PTPRD: variants seen among roughly 807,000 people sequenced by gnomAD.
PTPRD encodes the protein receptor-type tyrosine-protein phosphatase delta.
A neutral mutation model predicts 214.5 loss-of-function variants in PTPRD; 34 were observed. The ratio of observed to expected loss-of-function variants is 0.16; its 90% confidence interval spans 0.12 to 0.21. The LOEUF is 0.21. PTPRD is among the 10% of genes least tolerant of loss of function. The pLI is 1.00. For synonymous variants in PTPRD, 1,128 were observed against 845.7 expected, an observed-to-expected ratio of 1.33 and a Z score of -5.79; for missense variants, 2,545 against 2,398.7, an observed-to-expected ratio of 1.06 and a Z score of -1.27.
intron 3 of PTPRD, among the ~76,000 whole-genome samples, chr9:10,079,168 G>A (rs1002709270): frequency 6.6e-6 from 1 of 151,766 alleles, no homozygotes; most frequent in Non-Finnish European, 1.5e-5. Context: ...ACCCATTCTG[G>A]GAAGGTAAAA....
At chr9:9,566,128 T>A (rs867053288) in intron 8 of PTPRD, among the ~76,000 whole-genome samples, 2 of 151,940 alleles carry the variant, frequency 1.3e-5, no homozygotes, top group African/African-American at 2.4e-5. Flanking sequence ...GTATATATAT[T>A]TTTTTCTTTT....
intron 11 of PTPRD, among the ~76,000 whole-genome samples, chr9:8,894,688 A>C (rs567677427): frequency 1.3e-5 from 2 of 152,236 alleles, no homozygotes; most frequent in Non-Finnish European, 2.9e-5. Flanking sequence ...GCTATATTGC[A>C]ACAAAGTGTG....
At chr9:9,839,065 T>C (rs2057617694) in intron 5 of PTPRD, among the ~76,000 whole-genome samples, 1 of 152,164 alleles carries the variant, frequency 6.6e-6, no homozygotes, top group Non-Finnish European at 1.5e-5. Context: ...TTGTCAAAGA[T>C]CAGATAGTTG....
At chr9:9,567,027 G>A (rs545653597) in intron 8 of PTPRD, among the ~76,000 whole-genome samples, 1 of 152,100 alleles carries the variant, frequency 6.6e-6, no homozygotes, top group Non-Finnish European at 1.5e-5. Context: ...GAGAGGTCAA[G>A]TAGATATAAA....
At chr9:8,884,771 C>T (rs760595957) in intron 11 of PTPRD, among the ~76,000 whole-genome samples, 2 of 152,176 alleles carry the variant, frequency 1.3e-5, no homozygotes, top group Non-Finnish European at 2.9e-5. Context: ...CCATAACTCA[C>T]CTGTAGTTTT....
intron 7 of PTPRD, among the ~76,000 whole-genome samples, chr9:9,590,344 A>G (rs1234947098): frequency 1.3e-5 from 2 of 152,034 alleles, no homozygotes; most frequent in Non-Finnish European, 2.9e-5. Context: ...AGCTTAACAC[A>G]TAGTGGGTAC....
chr9:10,602,661 T>C (rs1316312535), intron 2 of PTPRD, among the ~76,000 whole-genome samples: 3 of 151,824 alleles, frequency 2.0e-5, no homozygotes, highest in Non-Finnish European at 4.4e-5. Flanking sequence ...AGAGACAGAA[T>C]AGATGGCAAT....
At chr9:8,355,129 G>A (rs368826727) in intron 39 of PTPRD, among the ~76,000 whole-genome samples, 1 of 152,018 alleles carries the variant, frequency 6.6e-6, no homozygotes, top group Admixed American at 6.6e-5. Context: ...GTGCCCTCAC[G>A]GTGGTAATGA....
At chr9:8,949,246 A>T (rs1235259955) in intron 11 of PTPRD, among the ~76,000 whole-genome samples, 2 of 151,874 alleles carry the variant, frequency 1.3e-5, no homozygotes, top group African/African-American at 4.8e-5. Context: ...AAAAGAAAAA[A>T]GTATTGTTTC....
In PTPRD at chr9:10,018,213, G is replaced by C. The variant is rs2096764168; in HGVS notation, c.-472+15505C>G. On this transcript the variant is annotated intron_variant, in intron 4 of 45. Coordinates refer to ENST00000381196, the MANE Select transcript of PTPRD (RefSeq NM_002839.4). ...AGGAGGAGAGAGAGAGAAGGAGTAG[G>C]AGGAAGGGGAGGAAGACAAAAGAAA... Among the ~76,000 whole-genome samples the C allele has an allele frequency of 3.3e-5, 5 of 151,998 alleles. No homozygotes were observed. In the South Asian group the frequency reaches 1.0e-3, roughly 31 times the overall value.
At chr9:10,261,792 G>C (rs2093715594) in intron 3 of PTPRD, among the ~76,000 whole-genome samples, 1 of 152,034 alleles carries the variant, frequency 6.6e-6, no homozygotes, top group Admixed American at 6.6e-5. Context: ...TAAGGCAATA[G>C]TAAATATATA....
chr9:8,665,901 G>C (rs1056345741), intron 12 of PTPRD, among the ~76,000 whole-genome samples: 2 of 152,174 alleles, frequency 1.3e-5, no homozygotes, highest in African/African-American at 4.8e-5. Context: ...AAGATACACT[G>C]TGGTTACTAC....
intron 4 of PTPRD, among the ~76,000 whole-genome samples, chr9:10,008,412 G>A (rs2096532370): frequency 6.6e-6 from 1 of 151,938 alleles, no homozygotes; most frequent in Non-Finnish European, 1.5e-5. Context: ...CTGAATATAG[G>A]AAGCCTGTGT....
intron 39 of PTPRD, among the ~76,000 whole-genome samples, chr9:8,361,662 T>C (rs906374821): frequency 2.0e-5 from 3 of 152,174 alleles, no homozygotes; most frequent in South Asian, 2.1e-4. Context: ...ATGAGTTTCT[T>C]TGAAAAACAG....
At chr9:9,571,128 A>C (rs1176019187) in intron 8 of PTPRD, among the ~76,000 whole-genome samples, 2 of 151,480 alleles carry the variant, frequency 1.3e-5, no homozygotes, top group Admixed American at 6.6e-5. Context: ...GGAAAAACAC[A>C]TGCAATTCTA....
chr9:8,583,683 G>A (rs543615283), intron 14 of PTPRD, among the ~76,000 whole-genome samples: 8 of 152,220 alleles, frequency 5.3e-5, no homozygotes, highest in Admixed American at 2.0e-4. Flanking sequence ...CCTAAATTAC[G>A]TTGCTTTTGT....
intron 11 of PTPRD, among the ~76,000 whole-genome samples, chr9:8,938,382 C>T (rs893172638): frequency 2.6e-5 from 4 of 151,982 alleles, no homozygotes; most frequent in African/African-American, 9.7e-5. Flanking sequence ...AGTGAAAATG[C>T]CATTTAATGT....
chr9:10,184,013 C>G (rs1052148780), intron 3 of PTPRD, among the ~76,000 whole-genome samples: 1 of 152,058 alleles, frequency 6.6e-6, no homozygotes, highest in Non-Finnish European at 1.5e-5. Context: ...GTCACATGCA[C>G]GTATACATCT....
chr9:9,560,346 A>T (rs1045101464), intron 8 of PTPRD, among the ~76,000 whole-genome samples: 3 of 152,168 alleles, frequency 2.0e-5, no homozygotes, highest in African/African-American at 7.2e-5. Context: ...ATGGTGGTAG[A>T]TTCTAGAAAT....
Sources: allele counts gnomAD v4.1 joint callset (sites outside exome capture counted in the v4.1 genomes callset), GRCh38; gene constraint gnomAD v4.1.1; transcripts MANE v1.5; gene names NCBI Gene and HGNC (gene_info 2026-07-23, HGNC 2026-07-21).